The following MLLT1 variants were observed in gnomAD, a reference collection of about 807,000 sequenced individuals.
The protein encoded by MLLT1 is protein ENL.
In MLLT1, 11 loss-of-function variants were observed where a neutral mutation model predicts 55.1. That is an observed-to-expected ratio of 0.20 (90% CI 0.13 to 0.33). The LOEUF is 0.33. Among genes scored for constraint, MLLT1 ranks in the 10% least tolerant of loss-of-function variants. MLLT1 has a pLI of 1.00. For missense variants in MLLT1, 536 were observed against 760.6 expected, an observed-to-expected ratio of 0.70 and a Z score of 3.47; for synonymous variants, 323 against 320.1, an observed-to-expected ratio of 1.01 and a Z score of -0.10.
intron 3 of MLLT1, among the ~76,000 whole-genome samples, chr19:6,257,192 T>C (rs1158897594): frequency 1.3e-5 from 2 of 152,164 alleles, no homozygotes; most frequent in Non-Finnish European, 2.9e-5. Flanking sequence ...TTCATAAACA[T>C]TTAAAACATT....
chr19:6,266,003 G>A (rs1028897710), intron 2 of MLLT1, among the ~76,000 whole-genome samples: 17 of 152,086 alleles, frequency 1.1e-4, no homozygotes, highest in African/African-American at 3.1e-4. Flanking sequence ...ATCTTAAGCC[G>A]GGCATGGTGG....
chr19:6,212,707 C>A lies in MLLT1; in HGVS notation c.*335G>T. 2 of 1,144,088 alleles carry A rather than the reference C, an allele frequency of 1.7e-6. No individual in the cohort carries two copies. The highest frequency in any genetic ancestry group is 1.6e-5 in the African/African-American group (1 of 62,042). The allele number at this position is 1,144,088 out of a possible 1,614,324, so 70.9% of individuals were successfully genotyped here. ...GCTGGGGCAGCGACGCCGCACAGCCCGCCGAGCAGTGGGGGCTGGTCCCAA... is the reference window on the plus strand; with the variant it reads ...GCTGGGGCAGCGACGCCGCACAGCCAGCCGAGCAGTGGGGGCTGGTCCCAA... On this transcript the variant is annotated 3_prime_UTR_variant, in exon 12 of 12. Coordinates refer to ENST00000252674, the MANE Select transcript of MLLT1 (RefSeq NM_005934.4).
In MLLT1 at chr19:6,219,181, C is replaced by T. The variant is rs1358889789; in HGVS notation, c.1111-1140G>A. Among the ~76,000 whole-genome samples, 2 of 152,150 alleles carry T rather than the reference C, an allele frequency of 1.3e-5. No individual in the cohort carries two copies. Among genetic ancestry groups the T allele is most frequent in the African/African-American group, 4.8e-5 (2 of 41,436 alleles). On this transcript the variant is annotated intron_variant, in intron 6 of 11. Coordinates refer to ENST00000252674, the MANE Select transcript of MLLT1 (RefSeq NM_005934.4). The surrounding 1 kb of genome is among the most constrained non-coding windows in gnomAD (Gnocchi z 4.5). ...CCAAGGCCTCCCCAAGCAGCAGGTC[C>T]AGACTCACCCGTGCCTGAGAGGGAA...
At chr19:6,242,173 C>T (rs2091120543) in intron 3 of MLLT1, among the ~76,000 whole-genome samples, 1 of 152,184 alleles carries the variant, frequency 6.6e-6, no homozygotes, top group African/African-American at 2.4e-5. Context: ...GCAGGGGCAG[C>T]CCAAGTGGAA....
In MLLT1 at chr19:6,227,055, G is replaced by A. The variant is rs756187756; in HGVS notation, c.468C>T (p.Pro156=). 6.8e-6 allele frequency: 11 copies of A among 1,607,126 alleles called. No homozygotes were observed. The highest frequency in any genetic ancestry group is 1.3e-5 in the African/African-American group (1 of 74,632). Residue 156 remains proline, a synonymous_variant, in exon 5 of 12, where the codon CCC becomes CCT. Coordinates refer to ENST00000252674, the MANE Select transcript of MLLT1 (RefSeq NM_005934.4). This position sits in a 1 kb window ranked among gnomAD's most constrained non-coding sequence, Gnocchi z 5.1. The stretch of plus-strand genomic sequence containing the variant: ...GAATTGTGGGTAACATGGGGTAGTC[G>A]GGACTGGGCCTGGACACCGTGTCTG... ...EGADTVSRPS[P]DYPMLPTIPL...
At chr19:6,245,601 C>T (rs908265906) in intron 3 of MLLT1, among the ~76,000 whole-genome samples, 1 of 152,090 alleles carries the variant, frequency 6.6e-6, no homozygotes. Flanking sequence ...GTCCCAGCTA[C>T]TTGGGAGGCT....
chr19:6,231,806 A>G lies in MLLT1; in HGVS notation c.277-1093T>C, dbSNP rs1472896578. Among the ~76,000 whole-genome samples, 1 of 152,062 alleles carries G rather than the reference A, an allele frequency of 6.6e-6. No individual in the cohort carries two copies. The highest frequency in any genetic ancestry group is 1.9e-4 in the East Asian group (1 of 5,148). On this transcript the variant is annotated intron_variant, in intron 3 of 11. Transcript: ENST00000252674. This position sits in a 1 kb window ranked among gnomAD's most constrained non-coding sequence, Gnocchi z 5.1. ...GTGAGCCACCGCGCCCAGCTGAAGC[A>G]AGACAATTTCATCTGCTTTTCCTTA...
At position 6,243,797 on chromosome 19, in the gene MLLT1, A is replaced by G. The variant is rs969033526; in HGVS notation, c.277-13084T>C. Among the ~76,000 whole-genome samples the G allele has an allele frequency of 5.3e-5, 8 of 152,188 alleles. No individual in the cohort carries two copies. The East Asian group carries it at 1.5e-3, about 29-fold the overall frequency. On this transcript the variant is annotated intron_variant, in intron 3 of 11. Coordinates refer to ENST00000252674, the MANE Select transcript of MLLT1 (RefSeq NM_005934.4). Reference sequence around the variant, plus strand: ...GGTGGCTCACGCCTGTAATCCCAGCACTTTGGGAGACCGAGGCAGGTGGAT... The same window carrying G: ...GGTGGCTCACGCCTGTAATCCCAGCGCTTTGGGAGACCGAGGCAGGTGGAT...
At position 6,229,591 on chromosome 19, in the gene MLLT1, C is replaced by T. The variant is rs540798711; in HGVS notation, c.420+979G>A. ...CACACCATACGTGCGTGACACACCA[C>T]ACACTTCCCGCAAGTGACACGACAC... On this transcript the variant is annotated intron_variant, in intron 4 of 11. Transcript: ENST00000252674. This position sits in a 1 kb window ranked among gnomAD's most constrained non-coding sequence, Gnocchi z 5.2. 1.4e-5 allele frequency among the ~76,000 whole-genome samples: 2 copies of T among 145,946 alleles called. No homozygotes were observed. The highest frequency in any genetic ancestry group is 4.6e-4 in the South Asian group (2 of 4,368).
intron 5 of MLLT1, among the ~76,000 whole-genome samples, chr19:6,223,818 C>G (rs1032785071): frequency 1.2e-4 from 19 of 152,192 alleles, no homozygotes; most frequent in Non-Finnish European, 5.9e-5. Context: ...CCCAGGAGCA[C>G]TGAGCAGGCT....
Position 6,273,143 on chromosome 19 carries a change from G to A in MLLT1, c.13-2384C>T, listed in dbSNP as rs2144964999. On this transcript the variant is annotated intron_variant, in intron 1 of 11. Coordinates refer to ENST00000252674, the MANE Select transcript of MLLT1 (RefSeq NM_005934.4). This position sits in a 1 kb window ranked among gnomAD's most constrained non-coding sequence, Gnocchi z 4.3. ...AACCCGTCGTCATAAGTGGCTGACA[G>A]ATATGGGAAACGGTCTCGGAGTCAA... 6.6e-6 allele frequency among the ~76,000 whole-genome samples: 1 copy of A among 152,164 alleles called. No individual in the cohort carries two copies. Among genetic ancestry groups the A allele is most frequent in the East Asian group, 1.9e-4 (1 of 5,168 alleles).
chr19:6,243,192 C>G (rs1022823061), intron 3 of MLLT1, among the ~76,000 whole-genome samples: 34 of 152,284 alleles, frequency 2.2e-4, no homozygotes, highest in Non-Finnish European at 4.4e-4. Flanking sequence ...AAAGAGACCC[C>G]GAGAGCCAGT....
At chr19:6,232,933 T>G (rs996342527) in intron 3 of MLLT1, among the ~76,000 whole-genome samples, 2 of 152,062 alleles carry the variant, frequency 1.3e-5, no homozygotes, top group Admixed American at 1.3e-4. Flanking sequence ...CGTGAAGGCT[T>G]CTGAGTTGGG....
At position 6,212,898 on chromosome 19, in the gene MLLT1, G is replaced by A; in HGVS notation, c.*144C>T. 1 of 1,150,632 alleles carries A rather than the reference G, an allele frequency of 8.7e-7. No homozygotes were observed. Among genetic ancestry groups the A allele is most frequent in the Non-Finnish European group, 1.2e-6 (1 of 836,964 alleles). 71.3% of individuals were successfully genotyped at this position (1,150,632 alleles called of 1,614,324 possible). A position where few individuals can be genotyped will look rare whatever the true frequency, so the allele number is the denominator to read the frequency against. On this transcript the variant is annotated 3_prime_UTR_variant, in exon 12 of 12. Transcript: ENST00000252674. The stretch of plus-strand genomic sequence containing the variant: ...GGAGAGTGGGCAGGGAGCCGCCGAG[G>A]AAAGTGCAGCGGGCTGTGCGGGCGA...
intron 3 of MLLT1, among the ~76,000 whole-genome samples, chr19:6,257,396 TAA>T (rs35846864): frequency 3.6e-4 from 43 of 119,340 alleles, no homozygotes; most frequent in South Asian, 5.1e-4. Context: ...ATGAAGAATG[TAA>T]AAAAAAAAAA....
In MLLT1 at chr19:6,262,351, C is replaced by G. The variant is rs766522377; in HGVS notation, c.194-41G>C. ...AGAAACACACCCATCAGCCTCCTGC[C>G]TGTTTCAGGCCCAGCTGCCAGCGGC... On this transcript the variant is annotated intron_variant, in intron 2 of 11. Transcript: ENST00000252674. The surrounding 1 kb of genome is among the most constrained non-coding windows in gnomAD (Gnocchi z 4.4). 1.3e-5 allele frequency: 20 copies of G among 1,561,794 alleles called. No homozygotes were observed. Among genetic ancestry groups the G allele is most frequent in the Non-Finnish European group, 1.8e-5 (20 of 1,135,822 alleles).
intron 1 of MLLT1, among the ~76,000 whole-genome samples, chr19:6,271,019 C>A (rs542814461): frequency 9.9e-5 from 15 of 152,254 alleles, no homozygotes; most frequent in Admixed American, 6.5e-4. Flanking sequence ...GCACAGCCTC[C>A]TCACCGGTCC....
chr19:6,218,262 C>T (rs533642521), intron 6 of MLLT1, among the ~76,000 whole-genome samples: 12 of 152,338 alleles, frequency 7.9e-5, no homozygotes, highest in East Asian at 3.9e-4. Flanking sequence ...CTAGGACACC[C>T]GTGGATGTCT....
chr19:6,259,259 G>C (rs564177180), intron 3 of MLLT1: 2 of 151,926 alleles, frequency 1.3e-5, no homozygotes, highest in African/African-American at 4.8e-5. Context: ...ACCACCAAAC[G>C]CGAGCCCTGG....
Sources: allele counts gnomAD v4.1 joint callset (sites outside exome capture counted in the v4.1 genomes callset), GRCh38; gene constraint gnomAD v4.1.1; non-coding constraint Gnocchi (gnomAD v3.1); transcripts MANE v1.5; gene names NCBI Gene and HGNC (gene_info 2026-07-23, HGNC 2026-07-21).